Variants in TCFL5 observed in about 807,000 individuals in gnomAD.
TCFL5 encodes the protein transcription factor-like 5 protein.
Under a neutral mutation model 44.3 loss-of-function variants are expected in TCFL5, and 9 were observed. The ratio of observed to expected loss-of-function variants is 0.20; its 90% confidence interval spans 0.12 to 0.35. TCFL5 has a LOEUF of 0.35. Ranked by LOEUF, TCFL5 falls within the 10% of genes least tolerant of loss-of-function variation. The pLI, the probability that TCFL5 is intolerant of heterozygous loss-of-function variation, is 1.00. For synonymous variants in TCFL5, 319 were observed against 271.6 expected (o/e 1.17, Z -1.72); for missense variants, 603 against 613.4 (o/e 0.98, Z 0.18).
At chr20:62,856,419 C>G (rs2063891477) in intron 4 of TCFL5, among the ~76,000 whole-genome samples, 1 of 151,212 alleles carries the variant, frequency 6.6e-6, no homozygotes, top group Non-Finnish European at 1.5e-5. Context: ...AAGAACCAGG[C>G]AATAGCCAGG....
chr20:62,855,751 A>G (rs1236933514), intron 4 of TCFL5, among the ~76,000 whole-genome samples: 2 of 151,958 alleles, frequency 1.3e-5, no homozygotes, highest in Non-Finnish European at 2.9e-5. Flanking sequence ...GGGCAACAAG[A>G]GTAAATCTCC....
At chr20:62,849,959 A>G (rs946316744) in intron 5 of TCFL5, among the ~76,000 whole-genome samples, 2 of 151,600 alleles carry the variant, frequency 1.3e-5, no homozygotes, top group Non-Finnish European at 2.9e-5. Context: ...TCTCAAAAAA[A>G]TAAAACAAAA....
At chr20:62,859,332 A>C (rs1457209162) in intron 3 of TCFL5, 32 bp downstream of exon 3, 1 of 1,592,002 alleles carries the variant, frequency 6.3e-7, no homozygotes, top group Non-Finnish European at 8.6e-7. Flanking sequence ...AGTCAGAAGA[A>C]AGCTCCCACT....
intron 5 of TCFL5, among the ~76,000 whole-genome samples, chr20:62,853,581 GC>G (rs1352034161): frequency 2.0e-5 from 3 of 152,256 alleles, no homozygotes; most frequent in Non-Finnish European, 4.4e-5. Flanking sequence ...AAACTCCTGG[GC>G]TCAAGAGATC....
chr20:62,854,254 C>T (rs2063854745), intron 4 of TCFL5, 97 bp from the exon 5 acceptor site: 18 of 1,475,438 alleles, frequency 1.2e-5, no homozygotes, highest in East Asian at 2.3e-5. Flanking sequence ...AACCAGAGCT[C>T]GTGCATCCTG....
At chr20:62,857,702 C>T in intron 3 of TCFL5, 64 bp from the exon 4 acceptor site, 1 of 1,557,278 alleles carries the variant, frequency 6.4e-7, no homozygotes, top group Non-Finnish European at 8.7e-7. Flanking sequence ...ATGCTGAATA[C>T]AGTTTTGGCC....
chr20:62,846,236 T>G, intron 5 of TCFL5: 1 of 606,314 alleles, frequency 1.6e-6, no homozygotes, highest in Non-Finnish European at 2.5e-6. Context: ...CAAGATCTTC[T>G]GAACTATTTT....
chr20:62,856,698 T>TC (rs1189918104), intron 4 of TCFL5, among the ~76,000 whole-genome samples: 1 of 76,310 alleles, frequency 1.3e-5, no homozygotes, highest in Non-Finnish European at 2.3e-5. Context: ...AGAGCAAGAC[T>TC]CCGTCTCAAA....
rs748790099 is a variant in TCFL5, at chr20:62,860,220, T to C, written c.736A>G (p.Thr246Ala). The C allele has an allele frequency of 6.2e-7, 1 of 1,613,742 alleles. No homozygotes were observed. The highest frequency in any genetic ancestry group is 1.7e-5 in the Admixed American group (1 of 60,002). ...NKCTALVKNK[T>A]AATTTALQFT... ...TGCAAAGCAGTAGTTGTAGCCGCAG[T>C]TTTATTTTTCACTAATGCTGTACAT... Residue 246 changes from threonine to alanine, a missense_variant, in exon 2 of 6, where the codon ACT becomes GCT. Coordinates refer to ENST00000335351, the MANE Select transcript of TCFL5 (RefSeq NM_006602.4).
intron 3 of TCFL5, among the ~76,000 whole-genome samples, chr20:62,858,122 C>T (rs1454506293): frequency 6.6e-6 from 1 of 152,060 alleles, no homozygotes; most frequent in African/African-American, 2.4e-5. Context: ...TACTGCAATG[C>T]TCAGAACAAA....
chr20:62,849,284 C>T (rs1423892915), intron 5 of TCFL5, among the ~76,000 whole-genome samples: 2 of 152,138 alleles, frequency 1.3e-5, no homozygotes, highest in South Asian at 2.1e-4. Flanking sequence ...GGAGCAAACC[C>T]GGACAGGCCT....
intron 5 of TCFL5, among the ~76,000 whole-genome samples, chr20:62,844,536 G>T (rs536090046): frequency 1.3e-5 from 2 of 151,312 alleles, no homozygotes; most frequent in Non-Finnish European, 1.5e-5. Context: ...ACACCATCAC[G>T]CCTGGCTTTC....
intron 5 of TCFL5, chr20:62,852,051 C>T (rs1434083533): frequency 1.0e-6 from 1 of 982,724 alleles, no homozygotes; most frequent in Non-Finnish European, 1.2e-6. Context: ...AATGATCCAC[C>T]CGCCTCGGCC....
At chr20:62,858,777 GGGGCT>G in intron 3 of TCFL5, among the ~76,000 whole-genome samples, 1 of 88,462 alleles carries the variant, frequency 1.1e-5, no homozygotes, top group Non-Finnish European at 2.2e-5. Context: ...CAGGGAGGAA[GGGGCT>G]ACGCAGGTGT....
rs902420139 is a variant in TCFL5, at chr20:62,860,165, G to A, written c.791C>T (p.Ala264Val). The A allele has an allele frequency of 2.5e-6, 4 of 1,612,936 alleles. No individual in the cohort carries two copies. The African/African-American group carries it at 4.0e-5, about 16-fold the overall frequency. ...QFTYPLFTTN[A>V]CSTSGNSNLS... ...ATTAGAATTTCCACTAGTAGAGCAA[G>A]CATTTGTAGTAAACAGTGGGTATGT... Residue 264 changes from alanine to valine, a missense_variant, in exon 2 of 6, where the codon GCT becomes GTT. This residue lies in a region of TCFL5 where 540 missense variants were observed against 478.7 expected (regional missense o/e 1.13). Coordinates refer to ENST00000335351, the MANE Select transcript of TCFL5 (RefSeq NM_006602.4).
chr20:62,861,432 G>A lies in TCFL5; in HGVS notation c.239C>T (p.Ala80Val). 2.6e-6 allele frequency: 3 copies of A among 1,157,070 alleles called. No homozygotes were observed. Among genetic ancestry groups the A allele is most frequent in the Non-Finnish European group, 3.2e-6 (3 of 933,096 alleles). The allele number at this position is 1,157,070 out of a possible 1,614,324, so 71.7% of individuals were successfully genotyped here. Residue 80 changes from alanine (A) to valine (V), a missense_variant, in exon 1 of 6, where the codon GCG becomes GTG. Transcript: ENST00000335351. This position sits in a 1 kb window ranked among gnomAD's most constrained non-coding sequence, Gnocchi z 4.0. ...GCCCGGGCCCGCCGCCGCCAGCAGC[G>A]CCGAGTTGAGGCGCGTCTCGAGCTC... ...DGELETRLNS[A>V]LLAAAGPGAG...
intron 3 of TCFL5, among the ~76,000 whole-genome samples, chr20:62,857,871 C>T (rs150218617): frequency 3.2e-4 from 49 of 152,198 alleles, no homozygotes; most frequent in African/African-American, 1.1e-3. Context: ...ACACTAAATA[C>T]GTTTTCCAAG....
chr20:62,845,008 GA>G, intron 5 of TCFL5: 1 of 986,064 alleles, frequency 1.0e-6, no homozygotes, highest in Non-Finnish European at 1.2e-6. Flanking sequence ...GGAGTGACTG[GA>G]ACATTCCACC....
At position 62,842,138 on chromosome 20, in the gene TCFL5, A is replaced by C. The variant is rs772581209; in HGVS notation, c.1381-41T>G. 12 of 1,611,446 alleles carry C rather than the reference A, an allele frequency of 7.4e-6. No homozygotes were observed. In the South Asian group the frequency reaches 1.3e-4, roughly 18 times the overall value. On this transcript the variant is annotated intron_variant, in intron 5 of 5. Transcript: ENST00000335351. The surrounding 1 kb of genome is among the most constrained non-coding windows in gnomAD (Gnocchi z 4.3). ...GACGGTTAACATACTGAATTAACTG[A>C]CATGAAAACTGCTGTCTTCCAAAGT...
Sources: allele counts gnomAD v4.1 joint callset (sites outside exome capture counted in the v4.1 genomes callset), GRCh38; gene constraint gnomAD v4.1.1; regional missense constraint gnomAD v4.1.1; non-coding constraint Gnocchi (gnomAD v3.1); transcripts MANE v1.5; gene names NCBI Gene and HGNC (gene_info 2026-07-23, HGNC 2026-07-21).